AOPEP: variants seen among roughly 807,000 people sequenced by gnomAD.
The protein encoded by AOPEP is aminopeptidase O.
Under a neutral mutation model 98.1 loss-of-function variants are expected in AOPEP, and 77 were observed. That is an observed-to-expected ratio of 0.78 (90% confidence interval 0.65 to 0.95). The LOEUF (loss-of-function observed/expected upper bound fraction) is 0.95. AOPEP is among the 40% of genes least tolerant of loss of function. The pLI, the probability that AOPEP is intolerant of heterozygous loss-of-function variation, is 0.00. For synonymous variants in AOPEP, 346 were observed against 365.3 expected (o/e 0.95, Z 0.60); for missense variants, 1,024 against 1,024.7 (o/e 1.00, Z 0.01).
At chr9:94,992,428 C>G (rs1047734348) in intron 11 of AOPEP, among the ~76,000 whole-genome samples, 6 of 152,158 alleles carry the variant, frequency 3.9e-5, no homozygotes, top group African/African-American at 1.4e-4. Context: ...TAAGTGGGCT[C>G]CAAACAGTTT....
chr9:94,813,349 A>T (rs1851031449), intron 5 of AOPEP, among the ~76,000 whole-genome samples: 1 of 152,184 alleles, frequency 6.6e-6, no homozygotes, highest in Non-Finnish European at 1.5e-5. Context: ...GTCTGGTTTG[A>T]TGAAGGTCCA....
At chr9:94,766,182 T>C (rs1352372069) in intron 2 of AOPEP, among the ~76,000 whole-genome samples, 1 of 152,230 alleles carries the variant, frequency 6.6e-6, no homozygotes, top group Non-Finnish European at 1.5e-5. Context: ...AGTTGATGTG[T>C]TTTCTTCATT....
At chr9:94,906,485 A>AATAATAATAATAATAATAAT (rs1488133280) in intron 5 of AOPEP, among the ~76,000 whole-genome samples, 5 of 53,822 alleles carry the variant, frequency 9.3e-5, no homozygotes, top group African/African-American at 1.4e-4. Context: ...ATAATAATAA[A>AATAATAATAATAATAATAAT]AAAACAGACC....
At chr9:94,797,242 A>G (rs1021432828) in intron 4 of AOPEP, among the ~76,000 whole-genome samples, 5 of 152,042 alleles carry the variant, frequency 3.3e-5, no homozygotes, top group South Asian at 2.1e-4. Flanking sequence ...GACCATCCTG[A>G]CCAACATGGT....
chr9:95,046,573 T>G (rs1270746163), intron 13 of AOPEP, among the ~76,000 whole-genome samples: 2 of 152,240 alleles, frequency 1.3e-5, no homozygotes, highest in Non-Finnish European at 2.9e-5. Context: ...TTCTTAACAT[T>G]TAAAGGGGAG....
intron 3 of AOPEP, among the ~76,000 whole-genome samples, chr9:94,784,696 A>G (rs952424833): frequency 3.9e-5 from 6 of 152,108 alleles, no homozygotes; most frequent in Non-Finnish European, 1.5e-5. Context: ...GCCCACTGCA[A>G]CCTCTGCCTC....
chr9:94,856,815 A>T (rs2044276702), intron 5 of AOPEP, among the ~76,000 whole-genome samples: 1 of 152,200 alleles, frequency 6.6e-6, no homozygotes, highest in African/African-American at 2.4e-5. Context: ...GTCATTCATT[A>T]TTTAAGCTGG....
chr9:94,884,134 C>G (rs2047911082), intron 5 of AOPEP, among the ~76,000 whole-genome samples: 1 of 152,186 alleles, frequency 6.6e-6, no homozygotes, highest in Non-Finnish European at 1.5e-5. Flanking sequence ...CAAAGAAGCC[C>G]CAATCCGAAG....
intron 5 of AOPEP, among the ~76,000 whole-genome samples, chr9:94,919,439 C>G (rs1349209622): frequency 6.6e-6 from 1 of 152,126 alleles, no homozygotes; most frequent in Admixed American, 6.5e-5. Flanking sequence ...GTCTCAGGGC[C>G]AGAGGGAAGG....
the AOPEP span, among the ~76,000 whole-genome samples, chr9:95,132,991 C>T: frequency 9.9e-3 from 1,506 of 152,346 alleles, 31 homozygotes; most frequent in African/African-American, 0.034. Context: ...GAATCCAACT[C>T]TAATGTAATA....
At chr9:94,983,870 C>T (rs967724424) in intron 11 of AOPEP, among the ~76,000 whole-genome samples, 10 of 147,590 alleles carry the variant, frequency 6.8e-5, no homozygotes, top group African/African-American at 2.5e-4. Flanking sequence ...CCCCCGGAAA[C>T]AAGGGTTATG....
At chr9:95,034,252 AC>A (rs1696783111) in intron 13 of AOPEP, among the ~76,000 whole-genome samples, 1 of 152,194 alleles carries the variant, frequency 6.6e-6, no homozygotes, top group South Asian at 2.1e-4. Context: ...TTTTTACTGT[AC>A]TTTTATATAG....
At chr9:95,035,887 C>G (rs1231634710) in intron 13 of AOPEP, among the ~76,000 whole-genome samples, 4 of 151,990 alleles carry the variant, frequency 2.6e-5, no homozygotes, top group Non-Finnish European at 5.9e-5. Context: ...AAAGCAGGCA[C>G]CGGCCCCCAA....
intron 1 of AOPEP, among the ~76,000 whole-genome samples, chr9:94,735,567 A>C (rs1472308327): frequency 1.3e-5 from 2 of 152,002 alleles, no homozygotes; most frequent in African/African-American, 4.8e-5. Context: ...CCCACCCCCA[A>C]CCTGCAACGT....
intron 14 of AOPEP, among the ~76,000 whole-genome samples, chr9:95,063,340 G>A (rs1169945109): frequency 1.3e-5 from 2 of 152,166 alleles, no homozygotes; most frequent in Non-Finnish European, 2.9e-5. Context: ...AGTGAGATGA[G>A]GATCCCTGGA....
chr9:95,083,811 AC>A (rs201749160), intron 16 of AOPEP, among the ~76,000 whole-genome samples: 1,809 of 152,262 alleles, frequency 0.012, 33 homozygotes, highest in African/African-American at 0.041. Context: ...GGCAGGTCCT[AC>A]TTTTTGCTTT....
chr9:94,931,730 C>T (rs781507763), intron 7 of AOPEP: 46 of 1,549,422 alleles, frequency 3.0e-5, no homozygotes, highest in Non-Finnish European at 3.5e-5. Flanking sequence ...CACATGTTGG[C>T]GGATGCAGTG....
At chr9:94,755,024 A>G (rs1836690013) in intron 1 of AOPEP, among the ~76,000 whole-genome samples, 1 of 152,176 alleles carries the variant, frequency 6.6e-6, no homozygotes, top group African/African-American at 2.4e-5. Flanking sequence ...CAAAGCCTTT[A>G]ATGGTGCTGC....
At position 94,917,505 on chromosome 9, in the gene AOPEP, G is replaced by A. The variant is rs182862460; in HGVS notation, c.1365-6481G>A. On this transcript the variant is annotated intron_variant, in intron 5 of 16. Transcript: ENST00000375315. ...CCTGGCCCCCATGAGCACCCACCTT[G>A]AACCTTGCTAGGATCCAGGTATCTG... 2.6e-5 allele frequency among the ~76,000 whole-genome samples: 4 copies of A among 152,230 alleles called. No homozygotes were observed. The East Asian group carries it at 7.7e-4, about 29-fold the overall frequency.
Sources: gnomAD v4.1 joint callset for allele counts (sites outside exome capture counted in the v4.1 genomes callset) on GRCh38, gnomAD v4.1.1 for gene constraint, MANE v1.5 for transcripts, NCBI Gene and HGNC (gene_info 2026-07-23, HGNC 2026-07-21) for gene names.